The following CTNND2 variants were observed in gnomAD, a reference collection of about 807,000 sequenced individuals.
CTNND2 encodes the protein catenin delta 2, also known as catenin delta-2.
A neutral mutation model predicts 144.4 loss-of-function variants in CTNND2; 22 were observed. The observed-to-expected ratio is 0.15, with a 90% CI of 0.11 to 0.22. CTNND2 has a LOEUF of 0.22. Among genes scored for constraint, CTNND2 ranks in the 10% least tolerant of loss-of-function variants. The probability of loss-of-function intolerance (pLI) is 1.00; values close to 1 mark genes in which losing one functional copy is unlikely to be tolerated. For synonymous variants in CTNND2, 751 were observed against 695.6 expected (o/e 1.08, Z -1.25); for missense variants, 1,353 against 1,618.8 (o/e 0.84, Z 2.82).
intron 9 of CTNND2, among the ~76,000 whole-genome samples, chr5:11,318,447 T>A (rs1045077704): frequency 1.3e-5 from 2 of 152,058 alleles, no homozygotes; most frequent in Admixed American, 6.6e-5. Flanking sequence ...TCCACCTCCC[T>A]CTCCAGTCCA....
chr5:11,830,667 G>A (rs948995732), intron 1 of CTNND2, among the ~76,000 whole-genome samples: 7 of 152,052 alleles, frequency 4.6e-5, no homozygotes, highest in Non-Finnish European at 1.0e-4. Context: ...GGACTAGTAC[G>A]GACTCCACGC....
chr5:11,588,442 A>T (rs893727009), intron 2 of CTNND2, among the ~76,000 whole-genome samples: 3 of 152,240 alleles, frequency 2.0e-5, no homozygotes, highest in African/African-American at 7.2e-5. Context: ...TGACACACCA[A>T]GTCTTACTAA....
At chr5:11,830,085 CT>C (rs1333900133) in intron 1 of CTNND2, among the ~76,000 whole-genome samples, 1 of 152,196 alleles carries the variant, frequency 6.6e-6, no homozygotes, top group African/African-American at 2.4e-5. Flanking sequence ...TTAGGAATGG[CT>C]GTATTTACCC....
chr5:11,128,779 A>AG (rs371018522), intron 12 of CTNND2, among the ~76,000 whole-genome samples: 1 of 65,444 alleles, frequency 1.5e-5, no homozygotes, highest in Non-Finnish European at 2.6e-5. Context: ...TTATATATAA[A>AG]ATATATAAAT....
chr5:11,265,858 C>G (rs1213193959), intron 9 of CTNND2, among the ~76,000 whole-genome samples: 2 of 151,772 alleles, frequency 1.3e-5, no homozygotes, highest in African/African-American at 4.8e-5. Context: ...ATTACAGGAT[C>G]GCACCACCAT....
intron 3 of CTNND2, among the ~76,000 whole-genome samples, chr5:11,470,261 C>A (rs963865766): frequency 3.3e-5 from 5 of 152,078 alleles, no homozygotes; most frequent in East Asian, 1.9e-4. Flanking sequence ...CATGGAGAAA[C>A]CTCATCTCCA....
chr5:11,411,674 T>G (rs1226956346), intron 4 of CTNND2, 22 bp from the exon 5 acceptor site: 2 of 1,383,882 alleles, frequency 1.4e-6, no homozygotes, highest in Non-Finnish European at 1.0e-6. Flanking sequence ...TATTTTAAAG[T>G]GATGAACAAA....
intron 15 of CTNND2, among the ~76,000 whole-genome samples, chr5:11,090,496 T>A (rs763967069): frequency 9.9e-5 from 15 of 152,188 alleles, no homozygotes; most frequent in Non-Finnish European, 1.9e-4. Context: ...GAGTTCTGCC[T>A]CCTGTCAGAT....
chr5:11,100,835 C>T (rs892082101), intron 14 of CTNND2, among the ~76,000 whole-genome samples: 1 of 152,098 alleles, frequency 6.6e-6, no homozygotes, highest in Non-Finnish European at 1.5e-5. Flanking sequence ...TATTTGCATG[C>T]TCGTTACAAA....
rs147929349 is a variant in CTNND2, at chr5:11,845,486, T to C, written c.37+58331A>G. ...GGCTTCTAGTCCAATATGACTAGTGTCCTTAAGAAAAGGAGCACCACATGA... is the reference window on the plus strand; with the variant it reads ...GGCTTCTAGTCCAATATGACTAGTGCCCTTAAGAAAAGGAGCACCACATGA... On this transcript the variant is annotated intron_variant, in intron 1 of 21. Coordinates refer to ENST00000304623, the MANE Select transcript of CTNND2 (RefSeq NM_001332.4). Among the ~76,000 whole-genome samples, 13 of 152,230 alleles carry C rather than the reference T, an allele frequency of 8.5e-5. 2 individuals are homozygous for C. Among genetic ancestry groups the C allele is most frequent in the African/African-American group, 3.1e-4 (13 of 41,530 alleles).
chr5:11,361,374 T>G (rs1193697177), intron 8 of CTNND2, among the ~76,000 whole-genome samples: 2 of 152,212 alleles, frequency 1.3e-5, no homozygotes, highest in Middle Eastern at 3.2e-3. Context: ...CAGTCTGGTC[T>G]TGAATTCCTG....
chr5:11,640,249 T>C (rs939196744), intron 2 of CTNND2, among the ~76,000 whole-genome samples: 30 of 152,194 alleles, frequency 2.0e-4, no homozygotes, highest in African/African-American at 7.2e-4. Context: ...TATGAGTAAT[T>C]CAATGTCAAT....
At chr5:11,187,773 C>T (rs1363681333) in intron 11 of CTNND2, among the ~76,000 whole-genome samples, 1 of 151,960 alleles carries the variant, frequency 6.6e-6, no homozygotes, top group Non-Finnish European at 1.5e-5. Context: ...AAAACCAACC[C>T]CATTAAAAAG....
At chr5:11,433,693 G>A (rs1763504801) in intron 3 of CTNND2, among the ~76,000 whole-genome samples, 1 of 152,286 alleles carries the variant, frequency 6.6e-6, no homozygotes, top group East Asian at 1.9e-4. Context: ...TGAACGAAGA[G>A]TGAGAGCTCA....
chr5:11,390,872 G>A (rs1199102947), intron 6 of CTNND2, among the ~76,000 whole-genome samples: 1 of 152,194 alleles, frequency 6.6e-6, no homozygotes, highest in Non-Finnish European at 1.5e-5. Context: ...TCCTTTTCCA[G>A]ATAATATTGG....
intron 11 of CTNND2, among the ~76,000 whole-genome samples, chr5:11,191,351 G>A (rs1196946384): frequency 3.3e-5 from 5 of 152,162 alleles, no homozygotes; most frequent in African/African-American, 4.8e-5. Context: ...GGCTTGTCAC[G>A]GGACAGAACA....
intron 9 of CTNND2, among the ~76,000 whole-genome samples, chr5:11,240,231 A>G (rs1325902074): frequency 7.4e-6 from 1 of 134,466 alleles, no homozygotes; most frequent in Non-Finnish European, 1.6e-5. Context: ...CCCAACACAC[A>G]CACACCAACA....
intron 1 of CTNND2, among the ~76,000 whole-genome samples, chr5:11,772,620 T>G (rs539785840): frequency 2.0e-5 from 3 of 152,310 alleles, no homozygotes; most frequent in African/African-American, 7.2e-5. Flanking sequence ...AGTCCTTTCC[T>G]TTAAAAAGGT....
chr5:11,197,015 G>A (rs1736924992), intron 11 of CTNND2, among the ~76,000 whole-genome samples: 1 of 152,168 alleles, frequency 6.6e-6, no homozygotes, highest in African/African-American at 2.4e-5. Flanking sequence ...GCCCCCTCAG[G>A]TTTCTGTCAG....
Sources: allele counts gnomAD v4.1 joint callset (sites outside exome capture counted in the v4.1 genomes callset), GRCh38; gene constraint gnomAD v4.1.1; transcripts MANE v1.5; gene names NCBI Gene and HGNC (gene_info 2026-07-23, HGNC 2026-07-21).